The following TP63 variants were observed in gnomAD, a reference collection of about 807,000 sequenced individuals.
The protein encoded by TP63 is tumor protein 63.
Under a neutral mutation model 82.8 loss-of-function variants are expected in TP63, and 17 were observed. The ratio of observed to expected loss-of-function variants is 0.21; its 90% CI spans 0.14 to 0.31. The LOEUF (loss-of-function observed/expected upper bound fraction) is 0.31, where lower values mean the gene tolerates loss of function less well. Ranked by LOEUF, TP63 falls within the 10% of genes least tolerant of loss-of-function variation. The pLI is 1.00. For synonymous variants in TP63, 330 were observed against 321.7 expected, an observed-to-expected ratio of 1.03 and a Z score of -0.28; for missense variants, 648 against 895.3, an observed-to-expected ratio of 0.72 and a Z score of 3.52.
chr3:189,765,557 C>T (rs1030084589), intron 3 of TP63, among the ~76,000 whole-genome samples: 15 of 149,978 alleles, frequency 1.0e-4, no homozygotes, highest in Admixed American at 5.3e-4. Flanking sequence ...CTCAGCCTCC[C>T]GAGTAGCTGG....
chr3:189,708,914 G>A (rs1013511181), intron 1 of TP63, among the ~76,000 whole-genome samples: 9 of 152,144 alleles, frequency 5.9e-5, no homozygotes, highest in Admixed American at 3.3e-4. Flanking sequence ...GAGCCTTTAC[G>A]TTGTGTTCAA....
chr3:189,624,860 G>A, the TP63 span, among the ~76,000 whole-genome samples: 263 of 152,202 alleles, frequency 1.7e-3, 2 homozygotes, highest in African/African-American at 6.1e-3. Context: ...TGGGCAGGAG[G>A]TGTGCTCTTG....
At chr3:189,671,350 G>A (rs938833071) in intron 1 of TP63, among the ~76,000 whole-genome samples, 5 of 151,900 alleles carry the variant, frequency 3.3e-5, no homozygotes, top group African/African-American at 2.4e-5. Context: ...ATCTCACTCC[G>A]GTTAGAAATG....
At chr3:189,657,065 G>C (rs1286847793) in intron 1 of TP63, among the ~76,000 whole-genome samples, 2 of 151,412 alleles carry the variant, frequency 1.3e-5, no homozygotes, top group Non-Finnish European at 2.9e-5. Flanking sequence ...ATATTGCTAA[G>C]GGGAAGAAGC....
chr3:189,794,538 AG>A (rs1217932730), intron 3 of TP63, among the ~76,000 whole-genome samples: 3 of 151,990 alleles, frequency 2.0e-5, no homozygotes, highest in African/African-American at 4.8e-5. Context: ...AGCAAAGGGA[AG>A]GGGGGTGAGG....
chr3:189,771,299 T>TATATAATATA (rs1576917775), intron 3 of TP63, among the ~76,000 whole-genome samples: 2 of 138,928 alleles, frequency 1.4e-5, no homozygotes, highest in Admixed American at 7.8e-5. Flanking sequence ...ATATATTATA[T>TATATAATATA]TTATATATAT....
At chr3:189,885,509 C>T (rs529192741) in intron 10 of TP63, among the ~76,000 whole-genome samples, 9 of 152,148 alleles carry the variant, frequency 5.9e-5, no homozygotes, top group Admixed American at 2.6e-4. Context: ...TAACAGATGA[C>T]GGAGGAAGGC....
At chr3:189,860,739 G>A (rs1019577066) in intron 4 of TP63, among the ~76,000 whole-genome samples, 4 of 152,302 alleles carry the variant, frequency 2.6e-5, no homozygotes, top group African/African-American at 9.6e-5. Context: ...GCTGAAAAGT[G>A]ATATCTGAAT....
intron 1 of TP63, among the ~76,000 whole-genome samples, chr3:189,647,192 G>A (rs1044935884): frequency 6.8e-6 from 1 of 146,636 alleles, no homozygotes; most frequent in Non-Finnish European, 1.5e-5. Flanking sequence ...TACCCGGTAA[G>A]GAGGGTTGCT....
Position 189,858,129 on chromosome 3 carries a change from G to GTT in TP63, c.580-6103_580-6102insTT, listed in dbSNP as rs1716526826. Among the ~76,000 whole-genome samples the GTT allele has an allele frequency of 6.4e-4, 9 of 14,010 alleles. No individual in the cohort carries two copies. The South Asian group carries it at 0.015, about 23-fold the overall frequency. The allele number at this position is 14,010 out of a possible 152,430, so 9.2% of individuals were successfully genotyped here. On this transcript the variant is annotated intron_variant, in intron 4 of 13. Transcript: ENST00000264731. Reference sequence around the variant, plus strand: ...ATAAGAAAATGTTGTGTATAGGCCGGGCGCGGTGGCTCACGCCTGTAATCC... The same window carrying GTT: ...ATAAGAAAATGTTGTGTATAGGCCGGTTGCGCGGTGGCTCACGCCTGTAATCC...
At chr3:189,811,032 A>T (rs1252304368) in intron 4 of TP63, among the ~76,000 whole-genome samples, 1 of 152,178 alleles carries the variant, frequency 6.6e-6, no homozygotes, top group Non-Finnish European at 1.5e-5. Flanking sequence ...AAATTTCCTT[A>T]CATGTGACAG....
intron 1 of TP63, among the ~76,000 whole-genome samples, chr3:189,677,997 A>T (rs1715594823): frequency 6.6e-6 from 1 of 152,026 alleles, no homozygotes. Flanking sequence ...TTTGGATATT[A>T]TTCCTTTGTA....
chr3:189,667,517 A>G (rs1714507923), intron 1 of TP63, among the ~76,000 whole-genome samples: 1 of 152,098 alleles, frequency 6.6e-6, no homozygotes, highest in African/African-American at 2.4e-5. Flanking sequence ...ACCAGAGAGC[A>G]GGGAGCTAAT....
At chr3:189,808,889 G>A (rs1404290017) in intron 4 of TP63, among the ~76,000 whole-genome samples, 1 of 152,150 alleles carries the variant, frequency 6.6e-6, no homozygotes. Flanking sequence ...GTGTTTACCA[G>A]TCTCATTCTT....
chr3:189,692,741 G>A (rs1396030677), intron 1 of TP63, among the ~76,000 whole-genome samples: 2 of 152,186 alleles, frequency 1.3e-5, no homozygotes, highest in Non-Finnish European at 2.9e-5. Context: ...ACTGTGAAAA[G>A]TGAAGATACG....
intron 1 of TP63, among the ~76,000 whole-genome samples, chr3:189,655,389 C>G (rs1713255759): frequency 6.6e-6 from 1 of 152,078 alleles, no homozygotes; most frequent in Non-Finnish European, 1.5e-5. Context: ...CTTTGGGAGG[C>G]CGAGGCGGGT....
At chr3:189,701,213 G>A (rs1402775393) in intron 1 of TP63, among the ~76,000 whole-genome samples, 1 of 152,032 alleles carries the variant, frequency 6.6e-6, no homozygotes, top group East Asian at 1.9e-4. Context: ...AGCAGCGTGA[G>A]AATGGACTAA....
the TP63 span, among the ~76,000 whole-genome samples, chr3:189,614,092 C>T: frequency 6.6e-6 from 1 of 152,050 alleles, no homozygotes; most frequent in East Asian, 1.9e-4. Context: ...AATATGAGGA[C>T]AGGAGATTTG....
chr3:189,720,730 G>A (rs1264778469), intron 1 of TP63, among the ~76,000 whole-genome samples: 19 of 86,386 alleles, frequency 2.2e-4, no homozygotes, highest in East Asian at 1.2e-3. Context: ...GTGAAACTCC[G>A]TCTCAGAAAA....
Sources: allele counts gnomAD v4.1 joint callset (sites outside exome capture counted in the v4.1 genomes callset), GRCh38; gene constraint gnomAD v4.1.1; transcripts MANE v1.5; gene names NCBI Gene and HGNC (gene_info 2026-07-23, HGNC 2026-07-21).